The following WRN variants were observed in gnomAD, a reference collection of about 807,000 sequenced individuals.
WRN encodes WRN RecQ like helicase.
A neutral mutation model predicts 180.7 loss-of-function variants in WRN; 149 were observed. The ratio of observed to expected loss-of-function variants is 0.82; its 90% CI spans 0.72 to 0.94. The LOEUF (loss-of-function observed/expected upper bound fraction) is 0.94, where lower values mean the gene tolerates loss of function less well. Ranked by LOEUF, WRN falls within the 40% of genes least tolerant of loss-of-function variation. The pLI is 0.00. For missense variants in WRN, 1,661 were observed against 1,700.1 expected, an observed-to-expected ratio of 0.98 and a Z score of 0.40; for synonymous variants, 548 against 568.9, an observed-to-expected ratio of 0.96 and a Z score of 0.52.
intron 5 of WRN, among the ~76,000 whole-genome samples, chr8:31,066,019 C>T (rs1363401335): frequency 2.0e-5 from 3 of 151,498 alleles, no homozygotes; most frequent in East Asian, 1.9e-4. Context: ...GCTGGGGTTA[C>T]AGGCATGCAC....
chr8:31,157,324 G>A, intron 32 of WRN, 44 bp from the exon 33 acceptor site: 1 of 1,611,084 alleles, frequency 6.2e-7, no homozygotes, highest in Non-Finnish European at 8.5e-7. Flanking sequence ...GACTGGAGTG[G>A]ACACTTTTAC....
chr8:31,092,552 C>T (rs1365072039), intron 16 of WRN, among the ~76,000 whole-genome samples: 1 of 151,564 alleles, frequency 6.6e-6, no homozygotes, highest in Non-Finnish European at 1.5e-5. Flanking sequence ...TGTTCTAATT[C>T]AGAACATTTT....
rs750369623 is a variant in WRN at position 31,090,934 on chromosome 8, A to G, written c.1821A>G (p.Leu607=). 5.0e-6 allele frequency: 8 copies of G among 1,611,206 alleles called. No individual in the cohort carries two copies. The highest frequency in any genetic ancestry group is 4.0e-5 in the African/African-American group (3 of 74,796). The change falls in exon 15 of 35, where the codon CTA becomes CTG. Residue 607 remains leucine (L), a synonymous_variant. Coordinates refer to ENST00000298139, the MANE Select transcript of WRN (RefSeq NM_000553.6). ...PLISLMEDQV[L]QLKMSNIPAC... is the part of the protein sequence containing the mutation. ...TTTCTCTGATGGAAGACCAAGTGCT[A>G]CAGCTTAAGTAAGTCATGTTATCAT...
chr8:31,155,849 C>T (rs1469576795), intron 32 of WRN, among the ~76,000 whole-genome samples: 1 of 152,078 alleles, frequency 6.6e-6, no homozygotes, highest in Non-Finnish European at 1.5e-5. Context: ...TCTGTGGTTC[C>T]ATCCACTAGT....
chr8:31,080,816 TGTA>T (rs750396531), intron 8 of WRN, 48 bp from the exon 9 acceptor site: 2 of 1,441,734 alleles, frequency 1.4e-6, no homozygotes, highest in African/African-American at 2.9e-5. Context: ...AGTTTGTCCT[TGTA>T]GTTAATGCAA....
rs932699734 is a variant in WRN, at chr8:31,157,675, A to G, written c.3982+145A>G. The G allele has an allele frequency of 4.6e-5, 59 of 1,291,258 alleles. No homozygotes were observed. The Admixed American group carries it at 8.4e-4, about 18-fold the overall frequency. The allele number at this position is 1,291,258 out of a possible 1,614,324, so 80.0% of individuals were successfully genotyped here. Reference sequence around the variant, plus strand: ...GTGATTCTTTTTCTTGTTTTAGGAAAACAATCTTTCTTCCCATTATCACTC... The same window carrying G: ...GTGATTCTTTTTCTTGTTTTAGGAAGACAATCTTTCTTCCCATTATCACTC... On this transcript the variant is annotated intron_variant, in intron 33 of 34. Coordinates refer to ENST00000298139, the MANE Select transcript of WRN (RefSeq NM_000553.6).
intron 31 of WRN, among the ~76,000 whole-genome samples, chr8:31,154,371 TAAAG>T (rs1348741466): frequency 6.6e-6 from 1 of 152,110 alleles, no homozygotes; most frequent in Non-Finnish European, 1.5e-5. Flanking sequence ...TCTTATTCGT[TAAAG>T]AAAAGACTAG....
chr8:31,143,478 G>GTT (rs1227959017), intron 27 of WRN, 72 bp from the exon 28 acceptor site: 1 of 1,056,698 alleles, frequency 9.5e-7, no homozygotes, highest in East Asian at 2.4e-5. Context: ...TGAGATTTTT[G>GTT]TTTCTTATTT....
chr8:31,170,066 C>G (rs1218038826), intron 34 of WRN, among the ~76,000 whole-genome samples: 1 of 152,184 alleles, frequency 6.6e-6, no homozygotes, highest in Admixed American at 6.5e-5. Context: ...CTGCTGGCCT[C>G]TGCTTTCTCC....
At chr8:31,044,688 A>G (rs1811794026) in intron 1 of WRN, among the ~76,000 whole-genome samples, 1 of 152,102 alleles carries the variant, frequency 6.6e-6, no homozygotes, top group Non-Finnish European at 1.5e-5. Flanking sequence ...TTAAACTACC[A>G]CTGACACTTC....
intron 19 of WRN, among the ~76,000 whole-genome samples, chr8:31,114,667 T>C (rs1801443025): frequency 6.6e-6 from 1 of 152,166 alleles, no homozygotes; most frequent in African/African-American, 2.4e-5. Flanking sequence ...TCTCTGACCC[T>C]ACTACTGTGC....
chr8:31,064,571 G>C, intron 4 of WRN, 137 bp downstream of exon 4: 1 of 1,240,814 alleles, frequency 8.1e-7, no homozygotes, highest in Middle Eastern at 2.6e-4. Context: ...TGTTCTACCT[G>C]ATTCACTCAC....
intron 18 of WRN, among the ~76,000 whole-genome samples, chr8:31,104,022 C>T (rs557883805): frequency 6.6e-6 from 1 of 152,264 alleles, no homozygotes; most frequent in African/African-American, 2.4e-5. Flanking sequence ...GCGTGAGCCA[C>T]TGCGCCCGGC....
At chr8:31,140,621 G>C (rs1802583339) in intron 24 of WRN, among the ~76,000 whole-genome samples, 1 of 152,186 alleles carries the variant, frequency 6.6e-6, no homozygotes, top group Non-Finnish European at 1.5e-5. Flanking sequence ...CAGCTAAATT[G>C]TAAATGATTA....
chr8:31,108,381 T>C (rs1042003171), intron 18 of WRN, among the ~76,000 whole-genome samples: 4 of 152,198 alleles, frequency 2.6e-5, no homozygotes, highest in African/African-American at 4.8e-5. Context: ...AGTTTATATA[T>C]TTTAAATGTC....
chr8:31,059,778 C>T (rs552628030), intron 3 of WRN, among the ~76,000 whole-genome samples: 9 of 152,194 alleles, frequency 5.9e-5, no homozygotes, highest in Non-Finnish European at 1.2e-4. Context: ...CATTAGAGGC[C>T]AGGCGCGGTG....
chr8:31,093,730 A>G (rs1447501428), intron 16 of WRN, among the ~76,000 whole-genome samples: 3 of 152,200 alleles, frequency 2.0e-5, no homozygotes, highest in Non-Finnish European at 4.4e-5. Context: ...TAATGAACAT[A>G]TTCATCACCC....
intron 34 of WRN, chr8:31,171,375 T>C (rs1804096119): frequency 6.7e-6 from 1 of 150,192 alleles, no homozygotes; most frequent in Non-Finnish European, 1.5e-5. Context: ...AAGGACTTGA[T>C]CAGACACATC....
intron 1 of WRN, among the ~76,000 whole-genome samples, chr8:31,046,191 G>A (rs147326878): frequency 1.1e-3 from 169 of 152,182 alleles, no homozygotes; most frequent in African/African-American, 3.9e-3. Flanking sequence ...AATAATTTGA[G>A]TATCCTTATT....
Sources: allele counts gnomAD v4.1 joint callset (sites outside exome capture counted in the v4.1 genomes callset), GRCh38; gene constraint gnomAD v4.1.1; transcripts MANE v1.5; gene names NCBI Gene and HGNC (gene_info 2026-07-23, HGNC 2026-07-21).